Variants in ZFYVE9 observed in about 807,000 individuals in gnomAD.
ZFYVE9 encodes the protein zinc finger FYVE-type containing 9, also known as zinc finger FYVE domain-containing protein 9.
ZFYVE9 carries 43 observed loss-of-function variants against 126.7 expected under a neutral mutation model. That is an observed-to-expected ratio of 0.34 (90% CI 0.27 to 0.44). The LOEUF (loss-of-function observed/expected upper bound fraction) is 0.44. Among genes scored for constraint, ZFYVE9 ranks in the 20% least tolerant of loss-of-function variants. The pLI is 1.00. For synonymous variants in ZFYVE9, 521 were observed against 597.4 expected, an observed-to-expected ratio of 0.87 and a Z score of 1.87; for missense variants, 1,476 against 1,697.0, an observed-to-expected ratio of 0.87 and a Z score of 2.29.
intron 7 of ZFYVE9, among the ~76,000 whole-genome samples, chr1:52,269,582 A>G (rs944694835): frequency 2.0e-5 from 3 of 152,118 alleles, no homozygotes; most frequent in Non-Finnish European, 1.5e-5. Context: ...TTAAGATTAG[A>G]TTTTTTGACA....
chr1:52,148,254 C>A (rs888977339), intron 1 of ZFYVE9, among the ~76,000 whole-genome samples: 1 of 151,948 alleles, frequency 6.6e-6, no homozygotes, highest in East Asian at 2.0e-4. Flanking sequence ...GTGGGCCGAT[C>A]GCCTGAGGTC....
At chr1:52,252,818 C>A in intron 4 of ZFYVE9, 1 of 337,858 alleles carries the variant, frequency 3.0e-6, no homozygotes, top group South Asian at 2.5e-5. Flanking sequence ...CATCCCAGCC[C>A]AGAGGTTGCG....
rs1463358180 is a variant in ZFYVE9 at position 52,263,769 on chromosome 1, A to AC, written c.2179-3dup. 1.0e-5 allele frequency: 2 copies of AC among 198,564 alleles called. No homozygotes were observed. Among genetic ancestry groups the AC allele is most frequent in the Non-Finnish European group, 1.6e-5 (2 of 126,448 alleles). 12.3% of individuals were successfully genotyped at this position (198,564 alleles called of 1,614,324 possible). A position where few individuals can be genotyped will look rare whatever the true frequency, so the allele number is the denominator to read the frequency against. On this transcript the variant is annotated splice_polypyrimidine_tract_variant and splice_region_variant and intron_variant, in intron 4 of 18. Transcript: ENST00000287727. The stretch of plus-strand genomic sequence containing the variant: ...GTGTGTTCTTCCCCCCCCCCCCCCC[A>AC]CAGGTTTTCTGTGCTTCCTGCTGTA...
chr1:52,342,288 CAG>C (rs1646444423), intron 17 of ZFYVE9, among the ~76,000 whole-genome samples: 1 of 127,150 alleles, frequency 7.9e-6, no homozygotes, highest in African/African-American at 2.8e-5. Flanking sequence ...TTTTTTGAGA[CAG>C]AGTCTCGCTC....
At chr1:52,322,453 C>G (rs1646250469) in intron 13 of ZFYVE9, among the ~76,000 whole-genome samples, 1 of 150,010 alleles carries the variant, frequency 6.7e-6, no homozygotes. Context: ...TCTCGGCTCA[C>G]TGCAACTTCC....
chr1:52,323,846 G>A, intron 13 of ZFYVE9, among the ~76,000 whole-genome samples: 1 of 142,458 alleles, frequency 7.0e-6, no homozygotes, highest in East Asian at 2.2e-4. Context: ...GAGGTCCGGA[G>A]TTCACAACCA....
chr1:52,151,929 G>A (rs542015875), intron 1 of ZFYVE9, among the ~76,000 whole-genome samples: 1 of 152,214 alleles, frequency 6.6e-6, no homozygotes, highest in South Asian at 2.1e-4. Context: ...GCAAATGCAC[G>A]TTAGTATTCT....
intron 1 of ZFYVE9, among the ~76,000 whole-genome samples, chr1:52,143,012 T>A (rs1363269566): frequency 6.6e-6 from 1 of 152,206 alleles, no homozygotes; most frequent in Non-Finnish European, 1.5e-5. Context: ...CCTGCCTCTT[T>A]ATATTATATC....
intron 13 of ZFYVE9, among the ~76,000 whole-genome samples, chr1:52,312,026 G>A (rs570516217): frequency 6.6e-6 from 1 of 152,142 alleles, no homozygotes; most frequent in African/African-American, 2.4e-5. Context: ...CCTGACCTTA[G>A]GTGATCTGTC....
intron 10 of ZFYVE9, among the ~76,000 whole-genome samples, chr1:52,290,775 A>T (rs1310930977): frequency 6.6e-6 from 1 of 152,212 alleles, no homozygotes; most frequent in East Asian, 1.9e-4. Flanking sequence ...TGGCTGATCA[A>T]TATATGTATA....
intron 1 of ZFYVE9, among the ~76,000 whole-genome samples, chr1:52,199,755 A>G (rs1644906324): frequency 6.6e-6 from 1 of 152,202 alleles, no homozygotes; most frequent in Admixed American, 6.5e-5. Flanking sequence ...GAAACAGCCA[A>G]ACTGTCTTCC....
chr1:52,335,787 G>A (rs1267279926), intron 15 of ZFYVE9, among the ~76,000 whole-genome samples: 1 of 152,210 alleles, frequency 6.6e-6, no homozygotes, highest in African/African-American at 2.4e-5. Context: ...TGCCTCACAT[G>A]ATGACAGGTT....
intron 7 of ZFYVE9, among the ~76,000 whole-genome samples, chr1:52,273,092 C>T (rs1163674202): frequency 3.9e-5 from 6 of 152,106 alleles, no homozygotes; most frequent in Non-Finnish European, 7.4e-5. Context: ...CTGAAACCTC[C>T]GCCTCCTGGG....
chr1:52,182,978 G>A (rs764963369), intron 1 of ZFYVE9, among the ~76,000 whole-genome samples: 32 of 152,242 alleles, frequency 2.1e-4, no homozygotes, highest in Non-Finnish European at 3.7e-4. Flanking sequence ...GTGTCTATTA[G>A]GATTGGCAAT....
intron 12 of ZFYVE9, among the ~76,000 whole-genome samples, chr1:52,296,792 A>G (rs1645979678): frequency 6.6e-6 from 1 of 151,878 alleles, no homozygotes; most frequent in Non-Finnish European, 1.5e-5. Context: ...AACTCCTTCA[A>G]GTAGCAAAGC....
chr1:52,305,431 A>G (rs1428071492), intron 13 of ZFYVE9, among the ~76,000 whole-genome samples: 5 of 152,222 alleles, frequency 3.3e-5, no homozygotes, highest in African/African-American at 1.2e-4. Context: ...CTCTGTCTCA[A>G]AAAAACAAAC....
intron 5 of ZFYVE9, among the ~76,000 whole-genome samples, chr1:52,266,405 T>TAAAAAAAAAAAAAAA (rs33996604): frequency 1.1e-4 from 9 of 85,640 alleles, no homozygotes; most frequent in African/African-American, 4.3e-4. Flanking sequence ...TCTAATTCTT[T>TAAAAAAAAAAAAAAA]AAAAAAAAAA....
At chr1:52,205,249 A>AT (rs1218477757) in intron 1 of ZFYVE9, among the ~76,000 whole-genome samples, 1 of 150,832 alleles carries the variant, frequency 6.6e-6, no homozygotes, top group Non-Finnish European at 1.5e-5. Flanking sequence ...CTATTTTTGT[A>AT]TTTTTTGTAG....
At chr1:52,224,460 A>G (rs999289205) in intron 2 of ZFYVE9, among the ~76,000 whole-genome samples, 7 of 152,108 alleles carry the variant, frequency 4.6e-5, no homozygotes, top group African/African-American at 1.7e-4. Flanking sequence ...TTGCTTTCTC[A>G]TCCTTTAGGG....
Sources: allele counts gnomAD v4.1 joint callset (sites outside exome capture counted in the v4.1 genomes callset), GRCh38; gene constraint gnomAD v4.1.1; transcripts MANE v1.5; gene names NCBI Gene and HGNC (gene_info 2026-07-23, HGNC 2026-07-21).